The following SLC4A4 variants were observed in gnomAD, a reference collection of about 807,000 sequenced individuals.
SLC4A4 encodes the protein electrogenic sodium bicarbonate cotransporter 1.
SLC4A4 carries 27 observed loss-of-function variants against 111.5 expected under a neutral mutation model. The ratio of observed to expected loss-of-function variants is 0.24; its 90% CI spans 0.18 to 0.33. The LOEUF is 0.33. SLC4A4 is among the 10% of genes least tolerant of loss of function. SLC4A4 has a pLI of 1.00. For synonymous variants in SLC4A4, 443 were observed against 463.4 expected, an observed-to-expected ratio of 0.96 and a Z score of 0.57; for missense variants, 909 against 1,315.5, an observed-to-expected ratio of 0.69 and a Z score of 4.78.
intron 16 of SLC4A4, among the ~76,000 whole-genome samples, chr4:71,507,449 GT>G (rs1230245594): frequency 6.6e-6 from 1 of 152,138 alleles, no homozygotes; most frequent in Non-Finnish European, 1.5e-5. Flanking sequence ...TGCAATCCTA[GT>G]TTCTGACAAA....
intron 18 of SLC4A4, among the ~76,000 whole-genome samples, chr4:71,537,404 C>T (rs146425349): frequency 0.076 from 1,404 of 18,490 alleles, 19 homozygotes; most frequent in African/African-American, 0.14. Context: ...ATATATTATA[C>T]ATATATGTGT....
intron 3 of SLC4A4, among the ~76,000 whole-genome samples, chr4:71,311,888 TGTGAGA>T (rs1474066955): frequency 0.038 from 1,207 of 31,534 alleles, 19 homozygotes; most frequent in African/African-American, 0.066. Context: ...TGTGCAAGGC[TGTGAGA>T]GAGAGAGAGA....
At chr4:71,139,035 CA>C (rs5859250) in intron 2 of SLC4A4, among the ~76,000 whole-genome samples, 5,163 of 42,670 alleles carry the variant, frequency 0.12, 26 homozygotes, top group Middle Eastern at 0.17. Flanking sequence ...GACTCCGTCT[CA>C]AAAAAAAAAA....
intron 20 of SLC4A4, 41 bp downstream of exon 20, chr4:71,547,761 T>G (rs747880402): frequency 6.7e-7 from 1 of 1,482,746 alleles, no homozygotes; most frequent in South Asian, 1.1e-5. Flanking sequence ...CTCAGAACAC[T>G]GACATATAAT....
At chr4:71,181,753 G>A (rs536263637) in intron 2 of SLC4A4, among the ~76,000 whole-genome samples, 1 of 152,236 alleles carries the variant, frequency 6.6e-6, no homozygotes, top group South Asian at 2.1e-4. Context: ...TTTATGTCTT[G>A]TTGATTCAGA....
intron 13 of SLC4A4, among the ~76,000 whole-genome samples, chr4:71,466,884 C>G (rs527982729): frequency 1.2e-4 from 18 of 150,398 alleles, no homozygotes; most frequent in African/African-American, 3.9e-4. Context: ...CCTTTGCCTT[C>G]TGGCTTCCTC....
chr4:71,385,490 G>A (rs990767221), intron 6 of SLC4A4, among the ~76,000 whole-genome samples: 8 of 151,942 alleles, frequency 5.3e-5, no homozygotes, highest in Non-Finnish European at 5.9e-5. Context: ...GAGCCATCAC[G>A]CCCAGCCTTT....
intron 1 of SLC4A4, among the ~76,000 whole-genome samples, chr4:71,074,600 G>C: frequency 6.6e-6 from 1 of 151,278 alleles, no homozygotes; most frequent in South Asian, 2.1e-4. Context: ...AAAGGAGGGA[G>C]GAGGAAGGAA....
intron 1 of SLC4A4, among the ~76,000 whole-genome samples, chr4:71,230,245 T>C (rs778711884): frequency 1.3e-5 from 2 of 152,230 alleles, no homozygotes; most frequent in Non-Finnish European, 2.9e-5. Flanking sequence ...TGTGAAATGC[T>C]GATTTTTGTC....
intron 13 of SLC4A4, among the ~76,000 whole-genome samples, chr4:71,469,713 C>T (rs900683795): frequency 2.0e-5 from 3 of 151,662 alleles, no homozygotes; most frequent in Non-Finnish European, 2.9e-5. Context: ...TTTCTCATCC[C>T]TTATTCCTCT....
intron 3 of SLC4A4, among the ~76,000 whole-genome samples, chr4:71,290,750 T>C (rs1389854217): frequency 6.6e-6 from 1 of 152,180 alleles, no homozygotes; most frequent in Non-Finnish European, 1.5e-5. Flanking sequence ...GATTTTTATA[T>C]TATGTGGGAG....
intron 2 of SLC4A4, among the ~76,000 whole-genome samples, chr4:71,155,653 G>A (rs1263508696): frequency 6.6e-6 from 1 of 151,922 alleles, no homozygotes; most frequent in Non-Finnish European, 1.5e-5. Flanking sequence ...TTTTAGAGAT[G>A]GGGTTTCACT....
At chr4:71,337,337 T>C (rs866825559) in intron 3 of SLC4A4, among the ~76,000 whole-genome samples, 20 of 152,306 alleles carry the variant, frequency 1.3e-4, no homozygotes, top group African/African-American at 4.1e-4. Flanking sequence ...ATATATTTCT[T>C]GTTTCTTTAC....
intron 13 of SLC4A4, among the ~76,000 whole-genome samples, chr4:71,466,852 T>C (rs1458768715): frequency 6.6e-6 from 1 of 151,734 alleles, no homozygotes; most frequent in African/African-American, 2.4e-5. Flanking sequence ...GGCTGATGCC[T>C]GTGGACAGCA....
intron 5 of SLC4A4, among the ~76,000 whole-genome samples, chr4:71,352,112 G>A (rs531501766): frequency 6.6e-6 from 1 of 152,226 alleles, no homozygotes; most frequent in East Asian, 1.9e-4. Flanking sequence ...TTCATTAAAA[G>A]CTGCAAGAAA....
At chr4:71,515,616 G>A (rs1732312874) in intron 16 of SLC4A4, among the ~76,000 whole-genome samples, 1 of 152,094 alleles carries the variant, frequency 6.6e-6, no homozygotes, top group Non-Finnish European at 1.5e-5. Context: ...GTCTTTTCAG[G>A]TCTAGTAATA....
chr4:71,246,075 A>G (rs1720637428), intron 2 of SLC4A4, among the ~76,000 whole-genome samples: 1 of 152,248 alleles, frequency 6.6e-6, no homozygotes, highest in South Asian at 2.1e-4. Flanking sequence ...AGTGCCCAAG[A>G]GAAAACTATC....
At chr4:71,207,949 A>G (rs2149008974) in intron 1 of SLC4A4, among the ~76,000 whole-genome samples, 1 of 152,184 alleles carries the variant, frequency 6.6e-6, no homozygotes, top group East Asian at 1.9e-4. Context: ...AGTAGCTGGG[A>G]CTATAGGCAC....
intron 2 of SLC4A4, among the ~76,000 whole-genome samples, chr4:71,115,527 G>A (rs1454599679): frequency 6.6e-6 from 1 of 152,150 alleles, no homozygotes; most frequent in Non-Finnish European, 1.5e-5. Flanking sequence ...TGTTGATGTA[G>A]AATTTGACCT....
Sources: gnomAD v4.1 joint callset for allele counts (sites outside exome capture counted in the v4.1 genomes callset) on GRCh38, gnomAD v4.1.1 for gene constraint, MANE v1.5 for transcripts, NCBI Gene and HGNC (gene_info 2026-07-23, HGNC 2026-07-21) for gene names.